Variants in MAGI3 observed in about 807,000 individuals in gnomAD.
MAGI3 encodes membrane-associated guanylate kinase, WW and PDZ domain-containing protein 3.
A neutral mutation model predicts 121.8 loss-of-function variants in MAGI3; 43 were observed. The observed-to-expected ratio is 0.35, with a 90% confidence interval of 0.28 to 0.46. The LOEUF is 0.46. Among genes scored for constraint, MAGI3 ranks in the 20% least tolerant of loss-of-function variants. MAGI3 has a pLI of 1.00. For synonymous variants in MAGI3, 553 were observed against 639.3 expected, an observed-to-expected ratio of 0.86 and a Z score of 2.04; for missense variants, 1,547 against 1,797.3, an observed-to-expected ratio of 0.86 and a Z score of 2.52.
intron 4 of MAGI3, among the ~76,000 whole-genome samples, chr1:113,586,968 G>A (rs1648400430): frequency 6.6e-6 from 1 of 152,056 alleles, no homozygotes; most frequent in Non-Finnish European, 1.5e-5. Context: ...AGGGTGTGTG[G>A]GAGGCAGTTC....
chr1:113,391,573 C>G lies in MAGI3; in HGVS notation c.316+224C>G, dbSNP rs1650820916. 6.6e-6 allele frequency among the ~76,000 whole-genome samples: 1 copy of G among 152,158 alleles called. No individual in the cohort carries two copies. Reference sequence around the variant, plus strand: ...TGGCGCGGTTGCTCTGCTAGCTGTGCTAGCTGTCACAGAATTGCGACTAGA... The same window carrying G: ...TGGCGCGGTTGCTCTGCTAGCTGTGGTAGCTGTCACAGAATTGCGACTAGA... On this transcript the variant is annotated intron_variant, in intron 1 of 20. Transcript: ENST00000307546. This position sits in a 1 kb window ranked among gnomAD's most constrained non-coding sequence, Gnocchi z 4.4.
In MAGI3 at chr1:113,390,955, G is replaced by GC. The variant is rs1650754582; in HGVS notation, c.-74dup. The GC allele has an allele frequency of 1.5e-6, 2 of 1,306,130 alleles. No individual in the cohort carries two copies. The allele number at this position is 1,306,130 out of a possible 1,614,324, so 80.9% of individuals were successfully genotyped here. On this transcript the variant is annotated 5_prime_UTR_variant, in exon 1 of 21. Coordinates refer to ENST00000307546, the MANE Select transcript of MAGI3 (RefSeq NM_001142782.2). Reference sequence around the variant, plus strand: ...TACCGGGCTGCGCGGGCCGCCCAGGGCCCCCGGGCTGAGACGGGGCCGGAG... The same window carrying GC: ...TACCGGGCTGCGCGGGCCGCCCAGGGCCCCCCGGGCTGAGACGGGGCCGGAG...
At chr1:113,507,433 G>A (rs1470753220) in intron 1 of MAGI3, among the ~76,000 whole-genome samples, 1 of 152,116 alleles carries the variant, frequency 6.6e-6, no homozygotes, top group Non-Finnish European at 1.5e-5. Flanking sequence ...GTAAGCAGAA[G>A]GTTTGAGGGA....
intron 6 of MAGI3, among the ~76,000 whole-genome samples, chr1:113,603,119 TGAAATG>T (rs1232043408): frequency 1.4e-5 from 2 of 145,706 alleles, no homozygotes; most frequent in Non-Finnish European, 3.0e-5. Context: ...AAAATGAAAA[TGAAATG>T]GAAATGAAAA....
chr1:113,449,846 A>C, intron 1 of MAGI3: 1 of 1,439,206 alleles, frequency 6.9e-7, no homozygotes. Flanking sequence ...GAGACCCCCA[A>C]ACAAAACGTT....
At chr1:113,572,964 C>T (rs761053545) in intron 2 of MAGI3, among the ~76,000 whole-genome samples, 24 of 151,420 alleles carry the variant, frequency 1.6e-4, no homozygotes, top group Non-Finnish European at 2.9e-4. Flanking sequence ...CTCACTCTGT[C>T]ACCCAGGCTG....
chr1:113,411,927 A>G (rs1198570868), intron 1 of MAGI3, among the ~76,000 whole-genome samples: 1 of 152,102 alleles, frequency 6.6e-6, no homozygotes, highest in Non-Finnish European at 1.5e-5. Context: ...CACAATGTGC[A>G]GGTTTGATAT....
intron 1 of MAGI3, among the ~76,000 whole-genome samples, chr1:113,548,872 A>G (rs1489950919): frequency 6.6e-6 from 1 of 152,358 alleles, no homozygotes; most frequent in East Asian, 1.9e-4. Flanking sequence ...AATGAAATGA[A>G]GAAAAGTCAA....
chr1:113,598,154 G>A (rs1007945737), intron 6 of MAGI3, among the ~76,000 whole-genome samples: 2 of 152,060 alleles, frequency 1.3e-5, no homozygotes, highest in African/African-American at 4.8e-5. Context: ...GGAGGTTGCA[G>A]TTAGCCAAGA....
chr1:113,451,703 TAAG>T (rs1451372849), intron 1 of MAGI3, among the ~76,000 whole-genome samples: 1 of 152,152 alleles, frequency 6.6e-6, no homozygotes, highest in East Asian at 1.9e-4. Flanking sequence ...AACACGGCAT[TAAG>T]AAGAGAAAAT....
intron 19 of MAGI3, among the ~76,000 whole-genome samples, chr1:113,678,148 TAA>T (rs1396385906): frequency 1.3e-5 from 2 of 151,858 alleles, no homozygotes; most frequent in African/African-American, 2.4e-5. Flanking sequence ...AGGAAAAGAA[TAA>T]AAAGTGTTCT....
At chr1:113,618,045 G>A (rs1650583688) in intron 7 of MAGI3, among the ~76,000 whole-genome samples, 1 of 152,050 alleles carries the variant, frequency 6.6e-6, no homozygotes, top group Admixed American at 6.6e-5. Context: ...TTTTTTGAAA[G>A]TGTTTTTTTA....
chr1:113,630,417 A>G (rs1468217346), intron 9 of MAGI3, among the ~76,000 whole-genome samples: 1 of 152,046 alleles, frequency 6.6e-6, no homozygotes, highest in African/African-American at 2.4e-5. Flanking sequence ...GCCTGGACTC[A>G]GGGACCCCGA....
chr1:113,669,557 T>A (rs1191400953), intron 16 of MAGI3, among the ~76,000 whole-genome samples: 1 of 152,076 alleles, frequency 6.6e-6, no homozygotes, highest in Non-Finnish European at 1.5e-5. Flanking sequence ...TGAGATAGAG[T>A]CTTGCTCTGT....
intron 8 of MAGI3, 95 bp downstream of exon 8, chr1:113,619,925 C>A (rs1437589340): frequency 3.8e-6 from 3 of 789,900 alleles, no homozygotes; most frequent in African/African-American, 3.5e-5. Context: ...ATTTCTATGG[C>A]TTTGACACTA....
chr1:113,486,650 T>C (rs1319120575), intron 1 of MAGI3, among the ~76,000 whole-genome samples: 1 of 141,452 alleles, frequency 7.1e-6, no homozygotes, highest in Admixed American at 7.3e-5. Flanking sequence ...GTCTTCAAAG[T>C]CTTTTTTTTT....
At chr1:113,460,084 G>A (rs1055096255) in intron 1 of MAGI3, among the ~76,000 whole-genome samples, 2 of 152,186 alleles carry the variant, frequency 1.3e-5, no homozygotes, top group African/African-American at 4.8e-5. Context: ...GATCAAGTAG[G>A]CTTCATCCCT....
At position 113,653,940 on chromosome 1, in the gene MAGI3, G is replaced by A; in HGVS notation, c.2551G>A (p.Asp851Asn). The change falls in exon 15 of 21, where the codon GAT (aspartate) becomes AAT (asparagine). Residue 851 changes from aspartate (D) to asparagine (N), a missense_variant. Asp to Asn is a conservative substitution (Grantham distance 23, BLOSUM62 1). Transcript: ENST00000307546. ...PARPAPQEPY[D>N]VVLQRKENEG... ...CAGGCCTGCACCCCAGGAGCCCTAT[G>A]ATGTTGTCTTGCAACGAAAAGAAAA... 1.9e-6 allele frequency: 3 copies of A among 1,614,064 alleles called. No homozygotes were observed. Among genetic ancestry groups the A allele is most frequent in the Non-Finnish European group, 2.5e-6 (3 of 1,179,992 alleles).
At chr1:113,427,415 G>A (rs1322870623) in intron 1 of MAGI3, among the ~76,000 whole-genome samples, 1 of 152,220 alleles carries the variant, frequency 6.6e-6, no homozygotes, top group Non-Finnish European at 1.5e-5. Flanking sequence ...TTATTAGCAA[G>A]CTTCCCAGTC....
Sources: gnomAD v4.1 joint callset for allele counts (sites outside exome capture counted in the v4.1 genomes callset) on GRCh38, gnomAD v4.1.1 for gene constraint, Gnocchi (gnomAD v3.1) non-coding constraint, MANE v1.5 for transcripts, NCBI Gene and HGNC (gene_info 2026-07-23, HGNC 2026-07-21) for gene names.